Variants in POMT1 observed in about 807,000 individuals in gnomAD.
The protein encoded by POMT1 is protein O-mannosyl-transferase 1.
POMT1 carries 85 observed loss-of-function variants against 101.6 expected under a neutral mutation model. The observed-to-expected ratio is 0.84, with a 90% CI of 0.70 to 1.00. The LOEUF (loss-of-function observed/expected upper bound fraction) is 1.00, where lower values mean the gene tolerates loss of function less well. Ranked by LOEUF, POMT1 falls within the 50% of genes least tolerant of loss-of-function variation. The pLI, the probability that POMT1 is intolerant of heterozygous loss-of-function variation, is 0.00. For missense variants in POMT1, 857 were observed against 930.4 expected (o/e 0.92, Z 1.03); for synonymous variants, 371 against 383.0 (o/e 0.97, Z 0.37).
rs1006319021 is a variant in POMT1, at chr9:131,522,669, G to A, written c.2004-263G>A. ...GGTTTCAGGAAGCCACACAAGGGAG[G>A]ACCGTGGGTTTGGGACCAGTCCTCT... On this transcript the variant is annotated intron_variant, in intron 19 of 19. Coordinates refer to ENST00000402686, the MANE Select transcript of POMT1 (RefSeq NM_001077365.2). The surrounding 1 kb of genome is among the most constrained non-coding windows in gnomAD (Gnocchi z 5.5). 1 of 580,318 alleles carries A rather than the reference G, an allele frequency of 1.7e-6. No homozygotes were observed. Among genetic ancestry groups the A allele is most frequent in the African/African-American group, 1.9e-5 (1 of 53,480 alleles). 35.9% of individuals were successfully genotyped at this position (580,318 alleles called of 1,614,324 possible). A position where few individuals can be genotyped will look rare whatever the true frequency, so the allele number is the denominator to read the frequency against.
chr9:131,505,196 C>G (rs781078783), intron 2 of POMT1, among the ~76,000 whole-genome samples: 2 of 152,062 alleles, frequency 1.3e-5, no homozygotes, highest in African/African-American at 2.4e-5. Context: ...CCAGCTTCAC[C>G]TTATCAGTTC....
intron 11 of POMT1, 140 bp downstream of exon 11, chr9:131,512,276 G>C (rs997731564): frequency 1.4e-6 from 2 of 1,462,858 alleles, no homozygotes; most frequent in African/African-American, 1.4e-5. Context: ...CACCAGCTCA[G>C]TGCTGAGTCC....
chr9:131,513,386 C>T, intron 12 of POMT1, 55 bp downstream of exon 12: 1 of 1,510,012 alleles, frequency 6.6e-7, no homozygotes, highest in Non-Finnish European at 9.0e-7. Context: ...CTGTGGTTCT[C>T]TGTTCAGACC....
rs4740258 is a variant in POMT1, at chr9:131,521,007, A to G, written c.1699-339A>G. On this transcript the variant is annotated intron_variant, in intron 17 of 19. Coordinates refer to ENST00000402686, the MANE Select transcript of POMT1 (RefSeq NM_001077365.2). ...CAGGTGCCCACCGCAATGCCCAGCT[A>G]ATTTTTGTACTTTTTAATAGAGACG... 0.89 allele frequency: 314,562 copies of G among 352,442 alleles called. 142,240 individuals carry two copies. The highest frequency in any genetic ancestry group is 0.96 in the South Asian group (42,343 of 44,008). 21.8% of individuals were successfully genotyped at this position (352,442 alleles called of 1,614,324 possible).
chr9:131,519,584 T>C lies in POMT1; in HGVS notation c.1584+98T>C. On this transcript the variant is annotated intron_variant, in intron 16 of 19. Coordinates refer to ENST00000402686, the MANE Select transcript of POMT1 (RefSeq NM_001077365.2). This position sits in a 1 kb window ranked among gnomAD's most constrained non-coding sequence, Gnocchi z 4.3. ...CACAGGACTCAAACCAGAGTCAGGCTTTGACGCTGGAGCTACAGGCTCACA... is the reference window on the plus strand; with the variant it reads ...CACAGGACTCAAACCAGAGTCAGGCCTTGACGCTGGAGCTACAGGCTCACA... 1 of 1,174,772 alleles carries C rather than the reference T, an allele frequency of 8.5e-7. No individual in the cohort carries two copies. 72.8% of individuals were successfully genotyped at this position (1,174,772 alleles called of 1,614,324 possible). A position where few individuals can be genotyped will look rare whatever the true frequency, so the allele number is the denominator to read the frequency against.
chr9:131,502,974 A>G lies in POMT1; in HGVS notation c.-130A>G, dbSNP rs1285628506. On this transcript the variant is annotated 5_prime_UTR_variant, in exon 1 of 20. Transcript: ENST00000402686. ...TTGAGCAGGGCGGTGGGTGGTGCGG[A>G]GTGCCGAGCGGCCTCACCCCCAACC... The G allele has an allele frequency of 6.6e-6, 1 of 152,236 alleles. No individual in the cohort carries two copies. Among genetic ancestry groups the G allele is most frequent in the Non-Finnish European group, 1.5e-5 (1 of 68,108 alleles). 9.4% of individuals were successfully genotyped at this position (152,236 alleles called of 1,614,324 possible). A position where few individuals can be genotyped will look rare whatever the true frequency, so the allele number is the denominator to read the frequency against.
intron 5 of POMT1, 126 bp from the exon 6 acceptor site, chr9:131,508,785 A>C: frequency 1.4e-6 from 1 of 715,138 alleles, no homozygotes; most frequent in Admixed American, 2.0e-5. Context: ...GAATGTTTTA[A>C]CATTCACAAC....
Position 131,523,184 on chromosome 9 carries a change from A to G in POMT1, c.*78A>G. ...GTCTTGGTCAATGTACGTAATGAGC[A>G]GGGTGGGCCCCACGCTGGGAGGACA... On this transcript the variant is annotated 3_prime_UTR_variant, in exon 20 of 20. Coordinates refer to ENST00000402686, the MANE Select transcript of POMT1 (RefSeq NM_001077365.2). The G allele has an allele frequency of 2.6e-6, 4 of 1,539,400 alleles. No homozygotes were observed. The highest frequency in any genetic ancestry group is 3.5e-6 in the Non-Finnish European group (4 of 1,136,446).
intron 17 of POMT1, chr9:131,520,972 G>C: frequency 2.9e-6 from 1 of 342,094 alleles, no homozygotes; most frequent in South Asian, 2.3e-5. Context: ...CCTCCAAGTA[G>C]CTGGTATTAC....
chr9:131,507,125 G>A (rs890659493), intron 4 of POMT1, among the ~76,000 whole-genome samples: 5 of 151,944 alleles, frequency 3.3e-5, no homozygotes, highest in African/African-American at 1.2e-4. Flanking sequence ...TAAGTAAGGC[G>A]GTAAATTTTA....
chr9:131,508,771 T>A (rs1946422619), intron 5 of POMT1, 140 bp from the exon 6 acceptor site: 1 of 690,352 alleles, frequency 1.4e-6, no homozygotes, highest in African/African-American at 1.8e-5. Context: ...GCCTTGTGTC[T>A]ATAGAATGTT....
At chr9:131,513,730 G>A (rs1370874363) in intron 12 of POMT1, among the ~76,000 whole-genome samples, 4 of 152,228 alleles carry the variant, frequency 2.6e-5, no homozygotes, top group African/African-American at 9.6e-5. Context: ...GCTCGGGCAC[G>A]AGTGGAGCCG....
At chr9:131,513,431 GT>G in intron 12 of POMT1, 100 bp downstream of exon 12, 1 of 1,075,792 alleles carries the variant, frequency 9.3e-7, no homozygotes, top group Non-Finnish European at 1.4e-6. Flanking sequence ...GCTGCCCCCT[GT>G]CTACCCATCA....
chr9:131,516,228 G>GCACTTCCTCACACGGAA (rs1242200186), intron 13 of POMT1, among the ~76,000 whole-genome samples: 12 of 98,292 alleles, frequency 1.2e-4, no homozygotes, highest in East Asian at 1.2e-3. Context: ...CTCACACGGA[G>GCACTTCCTCACACGGAA]CACTTCCTCA....
intron 12 of POMT1, among the ~76,000 whole-genome samples, 172 bp downstream of exon 12, chr9:131,513,503 C>T (rs1015346366): frequency 3.3e-5 from 5 of 152,158 alleles, no homozygotes; most frequent in East Asian, 3.8e-4. Flanking sequence ...CAGGCCTGGC[C>T]GCGGAAGGGA....
Position 131,513,293 on chromosome 9 carries a change from GCAGCTGGTCCACGGCAT to G in POMT1, c.1138_1154del (p.Gln380AspfsTer9), listed in dbSNP as rs756536065. The G allele has an allele frequency of 6.2e-7, 1 of 1,613,016 alleles. No homozygotes were observed. The highest frequency in any genetic ancestry group is 1.1e-5 in the South Asian group (1 of 91,070). On this transcript the variant is annotated frameshift_variant, in exon 12 of 20. Transcript: ENST00000402686. LOFTEE classifies it high-confidence loss of function. ...GACCTGTGAGGCACGGGGACATGGT[GCAGCTGGTCCACGGCAT>G]GACCACCCGCTCCCTGAACACGTGA...
At chr9:131,516,729 G>A (rs993292241) in intron 13 of POMT1, 8 of 152,318 alleles carry the variant, frequency 5.3e-5, no homozygotes, top group African/African-American at 1.9e-4. Flanking sequence ...AGGTGCGCTT[G>A]AGGCTCTGCC....
rs899492955 is a variant in POMT1 at position 131,523,197 on chromosome 9, C to T, written c.*91C>T. Reference sequence around the variant, plus strand: ...TACGTAATGAGCAGGGTGGGCCCCACGCTGGGAGGACACGGGCTGGGCTGA... The same window carrying T: ...TACGTAATGAGCAGGGTGGGCCCCATGCTGGGAGGACACGGGCTGGGCTGA... On this transcript the variant is annotated 3_prime_UTR_variant, in exon 20 of 20. Coordinates refer to ENST00000402686, the MANE Select transcript of POMT1 (RefSeq NM_001077365.2). The T allele has an allele frequency of 9.4e-6, 14 of 1,494,550 alleles. No homozygotes were observed. Among genetic ancestry groups the T allele is most frequent in the South Asian group, 3.5e-5 (3 of 84,578 alleles). 92.6% of individuals were successfully genotyped at this position (1,494,550 alleles called of 1,614,324 possible).
intron 6 of POMT1, 28 bp downstream of exon 6, chr9:131,509,050 TAACGA>T: frequency 6.7e-7 from 1 of 1,497,620 alleles, no homozygotes; most frequent in Non-Finnish European, 9.3e-7. Context: ...TCTTCCTAGT[TAACGA>T]GAACAGAGAT....
Sources: allele counts gnomAD v4.1 joint callset (sites outside exome capture counted in the v4.1 genomes callset), GRCh38; gene constraint gnomAD v4.1.1; non-coding constraint Gnocchi (gnomAD v3.1); transcripts MANE v1.5; gene names NCBI Gene and HGNC (gene_info 2026-07-23, HGNC 2026-07-21).